Variants in CIMIP2A observed in about 807,000 individuals in gnomAD.
CIMIP2A encodes the protein family with sequence similarity 166 member A.
chr9:137,251,664 G>A, the CIMIP2A span: 1 of 1,503,440 alleles, frequency 6.7e-7, no homozygotes, highest in Non-Finnish European at 8.9e-7. Flanking sequence ...AGGGACAATA[G>A]AGGGGACAGG....
chr9:137,251,420 G>C, the CIMIP2A span: 3 of 1,567,208 alleles, frequency 1.9e-6, no homozygotes, highest in Non-Finnish European at 2.6e-6. Context: ...AGGGGGAGAA[G>C]GGGCGGGCCA....
chr9:137,251,651 C>T, the CIMIP2A span: 1 of 1,474,912 alleles, frequency 6.8e-7, no homozygotes. Context: ...CAGCCGGGGG[C>T]TGAGGGACAA....
chr9:137,247,662 A>AG, the CIMIP2A span: 1 of 1,612,988 alleles, frequency 6.2e-7, no homozygotes, highest in Non-Finnish European at 8.5e-7. Context: ...GCTCTCACCC[A>AG]GGGACATAGT....
At chr9:137,248,542 C>CA in the CIMIP2A span, among the ~76,000 whole-genome samples, 642 of 109,454 alleles carry the variant, frequency 5.9e-3, 5 homozygotes, top group African/African-American at 0.021. Context: ...GACTCTGTCT[C>CA]AAAAAAAAAA....
At chr9:137,252,295 GAGGGCT>G in the CIMIP2A span, 1 of 1,323,112 alleles carries the variant, frequency 7.6e-7, no homozygotes. Context: ...CTGGAGAGAG[GAGGGCT>G]AGGGCTGGGG....
chr9:137,245,029 A>G, the CIMIP2A span: 3 of 1,609,786 alleles, frequency 1.9e-6, no homozygotes, highest in South Asian at 1.1e-5. Context: ...GGGCTCTCAC[A>G]CTGCAAGAAC....
the CIMIP2A span, among the ~76,000 whole-genome samples, chr9:137,249,060 G>A: frequency 2.0e-5 from 3 of 150,530 alleles, no homozygotes; most frequent in Non-Finnish European, 4.4e-5. Context: ...GTTTCACCAT[G>A]TTAGCCAGGA....
At chr9:137,249,006 C>A in the CIMIP2A span, among the ~76,000 whole-genome samples, 3 of 142,542 alleles carry the variant, frequency 2.1e-5, no homozygotes, top group Non-Finnish European at 4.6e-5. Context: ...ATGGAAAATG[C>A]AGACTAATAT....
the CIMIP2A span, chr9:137,251,956 C>A: frequency 6.3e-7 from 1 of 1,597,206 alleles, no homozygotes; most frequent in East Asian, 2.3e-5. Flanking sequence ...GTGGGAGGGG[C>A]CCGCTGAAAG....
chr9:137,249,511 G>A, the CIMIP2A span, among the ~76,000 whole-genome samples: 1 of 152,146 alleles, frequency 6.6e-6, no homozygotes, highest in Non-Finnish European at 1.5e-5. Context: ...TGCTTGGGGG[G>A]TGCGGGCGGG....
At chr9:137,243,914 G>C in the CIMIP2A span, 3 of 1,115,654 alleles carry the variant, frequency 2.7e-6, no homozygotes, top group Non-Finnish European at 4.0e-6. Context: ...TGGGGAACTT[G>C]CTTGTTGAAG....
chr9:137,251,366 A>G, the CIMIP2A span: 2 of 1,613,304 alleles, frequency 1.2e-6, no homozygotes, highest in Non-Finnish European at 1.7e-6. Flanking sequence ...ACCCATGGTC[A>G]CCTGAGGCAG....
the CIMIP2A span, chr9:137,243,923 AG>A: frequency 9.3e-7 from 1 of 1,071,288 alleles, no homozygotes; most frequent in East Asian, 2.4e-5. Flanking sequence ...TGCTTGTTGA[AG>A]GCAGGCCTGT....
the CIMIP2A span, chr9:137,252,579 G>A: frequency 6.7e-7 from 1 of 1,498,532 alleles, no homozygotes; most frequent in Non-Finnish European, 9.0e-7. Flanking sequence ...GGGGGCTGGG[G>A]GTTCCAGTGG....
chr9:137,243,878 G>C, the CIMIP2A span: 3 of 1,347,946 alleles, frequency 2.2e-6, no homozygotes, highest in South Asian at 1.2e-5. Flanking sequence ...GTGTGGGGCT[G>C]CCCTGGGCCC....
chr9:137,253,291 A>G, the CIMIP2A span: 1 of 1,576,564 alleles, frequency 6.3e-7, no homozygotes, highest in Non-Finnish European at 8.6e-7. Flanking sequence ...GAGTGGAACC[A>G]TGGCCTCCCC....
chr9:137,253,229 C>T, the CIMIP2A span: 3 of 1,608,232 alleles, frequency 1.9e-6, no homozygotes, highest in Non-Finnish European at 2.5e-6. Context: ...GACACAGGCC[C>T]CTTCTGCACG....
the CIMIP2A span, chr9:137,244,438 C>A: frequency 6.6e-7 from 1 of 1,517,424 alleles, no homozygotes; most frequent in Non-Finnish European, 8.8e-7. Context: ...CCCCCGACTC[C>A]AAAACTTGAG....
the CIMIP2A span, chr9:137,253,117 C>G: frequency 6.4e-7 from 1 of 1,564,626 alleles, no homozygotes; most frequent in Non-Finnish European, 8.7e-7. Context: ...TTCGGCAGCC[C>G]GAACCCCTGG....
Sources: gnomAD v4.1 joint callset for allele counts (sites outside exome capture counted in the v4.1 genomes callset) on GRCh38, gnomAD v4.1.1 for gene constraint, MANE v1.5 for transcripts, NCBI Gene and HGNC (gene_info 2026-07-23, HGNC 2026-07-21) for gene names.